Variants in PDE10A observed in about 807,000 individuals in gnomAD.
PDE10A encodes the protein phosphodiesterase 10A, also known as cAMP and cAMP-inhibited cGMP 3',5'-cyclic phosphodiesterase 10A.
A neutral mutation model predicts 97.7 loss-of-function variants in PDE10A; 39 were observed. The observed-to-expected ratio is 0.40, with a 90% confidence interval of 0.31 to 0.52. The LOEUF (loss-of-function observed/expected upper bound fraction) is 0.52, where lower values mean the gene tolerates loss of function less well. PDE10A is among the 20% of genes least tolerant of loss of function. PDE10A has a pLI of 0.56. For missense variants in PDE10A, 731 were observed against 1,047.8 expected (o/e 0.70, Z 4.17); for synonymous variants, 371 against 376.8 (o/e 0.98, Z 0.18).
intron 1 of PDE10A, among the ~76,000 whole-genome samples, chr6:165,717,091 A>C (rs937974009): frequency 6.6e-6 from 1 of 152,158 alleles, no homozygotes; most frequent in African/African-American, 2.4e-5. Context: ...AATGCACAGT[A>C]TTTGTTTTTT....
chr6:165,839,592 A>G (rs1355835579), intron 1 of PDE10A, among the ~76,000 whole-genome samples: 1 of 152,126 alleles, frequency 6.6e-6, no homozygotes, highest in African/African-American at 2.4e-5. Context: ...GAATTGAAAT[A>G]GCTTCCTCAG....
intron 1 of PDE10A, among the ~76,000 whole-genome samples, chr6:165,691,471 G>A (rs1791294994): frequency 6.6e-6 from 1 of 152,096 alleles, no homozygotes; most frequent in Non-Finnish European, 1.5e-5. Flanking sequence ...CCGTGTGTCA[G>A]CATACTCTGT....
chr6:165,796,182 G>A (rs968637914), intron 1 of PDE10A, among the ~76,000 whole-genome samples: 5 of 131,392 alleles, frequency 3.8e-5, no homozygotes, highest in African/African-American at 1.2e-4. Flanking sequence ...TGCCAGCTCC[G>A]CCTCCCGAGT....
chr6:165,389,305 G>A (rs760968628), intron 16 of PDE10A, among the ~76,000 whole-genome samples: 3 of 152,184 alleles, frequency 2.0e-5, no homozygotes, highest in Non-Finnish European at 4.4e-5. Flanking sequence ...GACTCCAGGA[G>A]GATGAGAGAT....
At chr6:165,373,696 A>G (rs985856058) in intron 18 of PDE10A, among the ~76,000 whole-genome samples, 14 of 152,176 alleles carry the variant, frequency 9.2e-5, no homozygotes, top group East Asian at 1.9e-4. Context: ...ATCTAGAACT[A>G]GAAATACCAT....
intron 1 of PDE10A, among the ~76,000 whole-genome samples, chr6:165,804,235 CAAGGAAAAAATTT>C (rs1266923339): frequency 6.6e-6 from 1 of 152,132 alleles, no homozygotes; most frequent in Admixed American, 6.5e-5. Context: ...AGGGAAGATT[CAAGGAAAAAATTT>C]TATCAAAACA....
At chr6:165,397,681 G>C (rs549324537) in intron 13 of PDE10A, among the ~76,000 whole-genome samples, 3 of 119,586 alleles carry the variant, frequency 2.5e-5, no homozygotes, top group Non-Finnish European at 4.9e-5. Flanking sequence ...TAGCCTGGGC[G>C]ACAACGGTGA....
At chr6:165,518,471 G>A (rs1160500626) in intron 2 of PDE10A, among the ~76,000 whole-genome samples, 5 of 152,214 alleles carry the variant, frequency 3.3e-5, no homozygotes, top group South Asian at 2.1e-4. Context: ...GAGTCTCCAC[G>A]CTGCAGATGC....
chr6:165,784,677 G>A (rs73261251), intron 1 of PDE10A, among the ~76,000 whole-genome samples: 20,040 of 152,146 alleles, frequency 0.13, 2,459 homozygotes, highest in African/African-American at 0.32. Flanking sequence ...CACATTCGCT[G>A]GTCAGAGGGT....
At chr6:165,721,382 C>G (rs1448771922) in intron 1 of PDE10A, among the ~76,000 whole-genome samples, 2 of 152,192 alleles carry the variant, frequency 1.3e-5, no homozygotes, top group Non-Finnish European at 2.9e-5. Context: ...ACTTGCAAGT[C>G]TGTATTGCTT....
intron 1 of PDE10A, among the ~76,000 whole-genome samples, chr6:165,964,167 A>G (rs1784439579): frequency 5.3e-5 from 8 of 152,180 alleles, no homozygotes; most frequent in Admixed American, 3.9e-4. Flanking sequence ...ATCAGCCTGA[A>G]GGCAACAAGG....
chr6:165,703,589 G>A (rs1163303921), intron 1 of PDE10A, among the ~76,000 whole-genome samples: 1 of 152,236 alleles, frequency 6.6e-6, no homozygotes, highest in Non-Finnish European at 1.5e-5. Flanking sequence ...GGAACATGGA[G>A]AGTGATCTGA....
chr6:165,796,379 C>T (rs1173411164), intron 1 of PDE10A, among the ~76,000 whole-genome samples: 1 of 152,148 alleles, frequency 6.6e-6, no homozygotes, highest in African/African-American at 2.4e-5. Flanking sequence ...AGCCACCGCA[C>T]CTGGCCTGCA....
intron 1 of PDE10A, among the ~76,000 whole-genome samples, chr6:165,615,795 G>A (rs1055735338): frequency 2.0e-5 from 3 of 152,116 alleles, no homozygotes; most frequent in Non-Finnish European, 4.4e-5. Context: ...AGCATCCACT[G>A]TGAGTCTGCA....
chr6:165,911,674 A>G (rs767786618), intron 1 of PDE10A, among the ~76,000 whole-genome samples: 3 of 152,236 alleles, frequency 2.0e-5, no homozygotes, highest in Non-Finnish European at 4.4e-5. Flanking sequence ...CATTTCAGTC[A>G]TTCAGTGGGT....
intron 1 of PDE10A, among the ~76,000 whole-genome samples, chr6:165,958,168 T>A (rs1200953749): frequency 6.6e-6 from 1 of 152,078 alleles, no homozygotes; most frequent in East Asian, 1.9e-4. Context: ...CCGGGAACAA[T>A]CTGCCACAGT....
chr6:165,739,547 CAG>C (rs1792667241), intron 1 of PDE10A, among the ~76,000 whole-genome samples: 1 of 151,424 alleles, frequency 6.6e-6, no homozygotes, highest in African/African-American at 2.4e-5. Flanking sequence ...TAGAAGAAAA[CAG>C]AGAAAAAGCT....
intron 1 of PDE10A, among the ~76,000 whole-genome samples, chr6:165,714,430 A>G (rs1791977166): frequency 1.3e-5 from 2 of 152,244 alleles, no homozygotes; most frequent in Admixed American, 6.5e-5. Context: ...TGATTTCTGA[A>G]TCTAAACACC....
chr6:165,891,562 A>T (rs967788868), intron 1 of PDE10A, among the ~76,000 whole-genome samples: 4 of 151,850 alleles, frequency 2.6e-5, no homozygotes, highest in African/African-American at 9.7e-5. Flanking sequence ...CTGCAACCTG[A>T]CCTCAAGAGG....
Sources: gnomAD v4.1 joint callset for allele counts (sites outside exome capture counted in the v4.1 genomes callset) on GRCh38, gnomAD v4.1.1 for gene constraint, MANE v1.5 for transcripts, NCBI Gene and HGNC (gene_info 2026-07-23, HGNC 2026-07-21) for gene names.